Variants in TLDC2 observed in about 807,000 individuals in gnomAD.
The protein encoded by TLDC2 is TBC/LysM-associated domain containing 2, also known as TLD domain-containing protein 2.
In TLDC2, 23 loss-of-function variants were observed where a neutral mutation model predicts 27.9. The observed-to-expected ratio is 0.82, with a 90% CI of 0.59 to 1.17. The LOEUF is 1.17. Among genes scored for constraint, TLDC2 ranks in the 50% most tolerant of loss-of-function variants. The probability of loss-of-function intolerance (pLI) is 0.00; values close to 1 mark genes in which losing one functional copy is unlikely to be tolerated. For synonymous variants in TLDC2, 124 were observed against 107.4 expected (o/e 1.16, Z -0.96); for missense variants, 286 against 273.4 (o/e 1.05, Z -0.32).
chr20:36,893,348 C>T lies in TLDC2; in HGVS notation c.*504C>T, dbSNP rs1990127178. The T allele has an allele frequency of 1.2e-5, 6 of 500,726 alleles. No individual in the cohort carries two copies. In the South Asian group the frequency reaches 1.3e-4, roughly 11 times the overall value. The allele number at this position is 500,726 out of a possible 1,614,324, so 31.0% of individuals were successfully genotyped here. A position where few individuals can be genotyped will look rare whatever the true frequency, so the allele number is the denominator to read the frequency against. On this transcript the variant is annotated 3_prime_UTR_variant, in exon 7 of 7. Transcript: ENST00000217320. ...GCCCACCTCTATGGCCTCCTTCACACACCTTCACGGAGCACAAACTCTGTC... is the reference window on the plus strand; with the variant it reads ...GCCCACCTCTATGGCCTCCTTCACATACCTTCACGGAGCACAAACTCTGTC...
intron 6 of TLDC2, chr20:36,892,649 T>C: frequency 2.2e-6 from 1 of 452,614 alleles, no homozygotes. Context: ...AAAAATAGAG[T>C]TCAGAATAGA....
intron 5 of TLDC2, among the ~76,000 whole-genome samples, chr20:36,887,875 T>G (rs988848222): frequency 6.6e-6 from 1 of 151,780 alleles, no homozygotes; most frequent in African/African-American, 2.4e-5. Flanking sequence ...GCAGGGGACA[T>G]AACTCATTGC....
At chr20:36,889,560 T>C (rs1601104421) in intron 6 of TLDC2, 157 bp downstream of exon 6, 1 of 823,002 alleles carries the variant, frequency 1.2e-6, no homozygotes, top group African/African-American at 1.7e-5. Context: ...GGGCAGGCAC[T>C]GCTCTTTTGC....
At chr20:36,884,472 C>T (rs993875101) in intron 4 of TLDC2, among the ~76,000 whole-genome samples, 3 of 152,098 alleles carry the variant, frequency 2.0e-5, no homozygotes, top group Admixed American at 2.0e-4. Flanking sequence ...AATGGCAACA[C>T]CCAGCCAAGT....
At chr20:36,890,836 A>C (rs1227720387) in intron 6 of TLDC2, 2 of 152,244 alleles carry the variant, frequency 1.3e-5, no homozygotes, top group Non-Finnish European at 2.9e-5. Context: ...GTTGCAAAGA[A>C]CATAAAGTAC....
Position 36,879,178 on chromosome 20 carries a change from G to C in TLDC2, c.327G>C (p.Arg109Ser). Reference protein sequence around the residue: ...GCSGPVLLVLRDQDGQIFGAF... With the variant: ...GCSGPVLLVLSDQDGQIFGAF... ...GCGGGCCAGTGCTGCTGGTGCTCAG[G>C]GACCAGGACGGGCAGGTGAGCTGGG... The change falls in exon 3 of 7, where the codon AGG (arginine) becomes AGC (serine). Residue 109 changes from arginine (R) to serine (S), a missense_variant. Arg to Ser is a moderately radical substitution (Grantham distance 110). Coordinates refer to ENST00000217320, the MANE Select transcript of TLDC2 (RefSeq NM_080628.3). 2 of 1,613,252 alleles carry C rather than the reference G, an allele frequency of 1.2e-6. No individual in the cohort carries two copies. The highest frequency in any genetic ancestry group is 1.6e-4 in the Middle Eastern group (1 of 6,062).
rs1989709998 is a variant in TLDC2 at position 36,877,927 on chromosome 20, G to C, written c.62G>C (p.Gly21Ala). Residue 21 changes from glycine to alanine, a missense_variant, in exon 2 of 7, where the codon GGG (glycine) becomes GCG (alanine). Coordinates refer to ENST00000217320, the MANE Select transcript of TLDC2 (RefSeq NM_080628.3). ...AGCCAGGTGGAGGACACCCTGTCTG[G>C]GGAGGAGGGTAACGAAGAGGAAGAG... ...LPSQVEDTLS[G>A]EEGNEEEEEE... 2 of 1,613,738 alleles carry C rather than the reference G, an allele frequency of 1.2e-6. No individual in the cohort carries two copies. Among genetic ancestry groups the C allele is most frequent in the South Asian group, 2.2e-5 (2 of 91,064 alleles).
intron 4 of TLDC2, among the ~76,000 whole-genome samples, chr20:36,885,241 GT>G (rs1989897416): frequency 6.6e-6 from 1 of 152,056 alleles, no homozygotes; most frequent in East Asian, 1.9e-4. Context: ...TGAGGCAGAG[GT>G]TTTTGTCTAT....
Position 36,893,414 on chromosome 20 carries a change from G to C in TLDC2, c.*570G>C, listed in dbSNP as rs1990128950. On this transcript the variant is annotated 3_prime_UTR_variant, in exon 7 of 7. Transcript: ENST00000217320. Reference sequence around the variant, plus strand: ...AAAGACGGGATGCACTGAACCCCTAGCTTCTCTCTCGCCTGGTCCCCTCTG... The same window carrying C: ...AAAGACGGGATGCACTGAACCCCTACCTTCTCTCTCGCCTGGTCCCCTCTG... 6 of 375,706 alleles carry C rather than the reference G, an allele frequency of 1.6e-5. No individual in the cohort carries two copies. The highest frequency in any genetic ancestry group is 7.8e-4 in the Middle Eastern group (1 of 1,282). The allele number at this position is 375,706 out of a possible 1,614,324, so 23.3% of individuals were successfully genotyped here.
At position 36,880,793 on chromosome 20, in the gene TLDC2, G is replaced by A. The variant is rs201393893; in HGVS notation, c.438+43G>A. 2.3e-4 allele frequency: 366 copies of A among 1,579,812 alleles called. 2 individuals carry two copies. In the African/African-American group the frequency reaches 3.8e-3, roughly 17 times the overall value. Reference sequence around the variant, plus strand: ...CCATGGGGGGAGTGGGGCGTGTGGCGAGACAAAGCTCCCGGGGTCCCAGTG... The same window carrying A: ...CCATGGGGGGAGTGGGGCGTGTGGCAAGACAAAGCTCCCGGGGTCCCAGTG... On this transcript the variant is annotated intron_variant, in intron 4 of 6. Coordinates refer to ENST00000217320, the MANE Select transcript of TLDC2 (RefSeq NM_080628.3).
At chr20:36,885,659 C>T (rs879311708) in intron 4 of TLDC2, among the ~76,000 whole-genome samples, 11 of 152,172 alleles carry the variant, frequency 7.2e-5, no homozygotes, top group South Asian at 2.1e-4. Flanking sequence ...GTCTGTTTTC[C>T]GGCTAAAAAC....
chr20:36,887,355 T>C, intron 4 of TLDC2, 100 bp from the exon 5 acceptor site: 1 of 1,071,732 alleles, frequency 9.3e-7, no homozygotes, highest in Non-Finnish European at 1.4e-6. Flanking sequence ...GCCTGGATGC[T>C]GTTCCCGCCA....
intron 6 of TLDC2, 33 bp downstream of exon 6, chr20:36,889,436 C>G (rs758445190): frequency 6.3e-7 from 1 of 1,595,378 alleles, no homozygotes; most frequent in Non-Finnish European, 8.5e-7. Context: ...CCACCCAGGC[C>G]TTCCTGACAC....
In TLDC2 at chr20:36,880,070, C is replaced by CATATATATATATATGTAT. The variant is rs1989768064; in HGVS notation, c.343-571_343-570insGTATATATATATATATAT. ...ATTACTTGTGTAGAATATATATATA[C>CATATATATATATATGTAT]ATATATATATATATATATATATATA... On this transcript the variant is annotated intron_variant, in intron 3 of 6. Transcript: ENST00000217320. Among the ~76,000 whole-genome samples the CATATATATATATATGTAT allele has an allele frequency of 1.1e-3, 80 of 73,054 alleles. 1 individual carries two copies. The highest frequency in any genetic ancestry group is 3.8e-3 in the African/African-American group (80 of 21,286). The allele number at this position is 73,054 out of a possible 152,430, so 47.9% of individuals were successfully genotyped here.
At chr20:36,885,912 A>G (rs1424232765) in intron 4 of TLDC2, among the ~76,000 whole-genome samples, 2 of 152,116 alleles carry the variant, frequency 1.3e-5, no homozygotes, top group African/African-American at 4.8e-5. Context: ...GGTCCAGGAA[A>G]TTTCTGAGAT....
Position 36,888,557 on chromosome 20 carries a change from T to A in TLDC2, c.513-694T>A, listed in dbSNP as rs56006510. 1.3e-4 allele frequency among the ~76,000 whole-genome samples: 20 copies of A among 149,238 alleles called. No homozygotes were observed. In the South Asian group the frequency reaches 4.1e-3, roughly 30 times the overall value. On this transcript the variant is annotated intron_variant, in intron 5 of 6. Coordinates refer to ENST00000217320, the MANE Select transcript of TLDC2 (RefSeq NM_080628.3). Reference sequence around the variant, plus strand: ...CCATCTCTACTAAAAATACAAAAAATCAGCCAGGCGTGGTGGTGGGCACCC... The same window carrying A: ...CCATCTCTACTAAAAATACAAAAAAACAGCCAGGCGTGGTGGTGGGCACCC...
At chr20:36,876,559 T>C (rs568871281) in intron 1 of TLDC2, among the ~76,000 whole-genome samples, 8 of 152,304 alleles carry the variant, frequency 5.3e-5, no homozygotes, top group Non-Finnish European at 1.0e-4. Flanking sequence ...TCTCAGCCCT[T>C]GAGAGGTCTC....
intron 4 of TLDC2, among the ~76,000 whole-genome samples, chr20:36,882,025 G>T (rs1434395412): frequency 6.6e-6 from 1 of 152,168 alleles, no homozygotes; most frequent in Non-Finnish European, 1.5e-5. Flanking sequence ...TGTGAAGGGT[G>T]GTGGGTGGTG....
rs1253705496 is a variant in TLDC2 at position 36,887,490 on chromosome 20, G to A, written c.474G>A (p.Val158=). 2 of 1,614,046 alleles carry A rather than the reference G, an allele frequency of 1.2e-6. No individual in the cohort carries two copies. The highest frequency in any genetic ancestry group is 1.7e-6 in the Non-Finnish European group (2 of 1,180,026). The change falls in exon 5 of 7, where the codon GTG becomes GTA. Residue 158 remains valine, a synonymous_variant. Coordinates refer to ENST00000217320, the MANE Select transcript of TLDC2 (RefSeq NM_080628.3). ...GGACTGGAAGCAACTCTTTCTTTGT[G>A]AAGGGAGACTTGGATTCACTGATGA... The part of the protein sequence containing the change: ...FKWTGSNSFF[V]KGDLDSLMMG...
Sources: gnomAD v4.1 joint callset for allele counts (sites outside exome capture counted in the v4.1 genomes callset) on GRCh38, gnomAD v4.1.1 for gene constraint, MANE v1.5 for transcripts, NCBI Gene and HGNC (gene_info 2026-07-23, HGNC 2026-07-21) for gene names.